The following DNAJC11 variants were observed in gnomAD, a reference collection of about 807,000 sequenced individuals.
DNAJC11 encodes the protein DnaJ heat shock protein family (Hsp40) member C11, also known as dnaJ homolog subfamily C member 11.
In DNAJC11, 15 loss-of-function variants were observed where a neutral mutation model predicts 78.6. That is an observed-to-expected ratio of 0.19 (90% CI 0.13 to 0.29). The LOEUF (loss-of-function observed/expected upper bound fraction) is 0.29. Among genes scored for constraint, DNAJC11 ranks in the 10% least tolerant of loss-of-function variants. The probability of loss-of-function intolerance (pLI) is 1.00; values close to 1 mark genes in which losing one functional copy is unlikely to be tolerated. For synonymous variants in DNAJC11, 292 were observed against 272.1 expected, an observed-to-expected ratio of 1.07 and a Z score of -0.72; for missense variants, 547 against 709.6, an observed-to-expected ratio of 0.77 and a Z score of 2.60.
Position 6,680,078 on chromosome 1 carries a change from T to A in DNAJC11, c.202+830A>T, listed in dbSNP as rs573003300. 6.6e-6 allele frequency among the ~76,000 whole-genome samples: 1 copy of A among 152,380 alleles called. No individual in the cohort carries two copies. The highest frequency in any genetic ancestry group is 1.9e-4 in the East Asian group (1 of 5,194). On this transcript the variant is annotated intron_variant, in intron 2 of 15. Transcript: ENST00000377577. The surrounding 1 kb of genome is among the most constrained non-coding windows in gnomAD (Gnocchi z 4.0). ...ATACAGTGAGATGACTTTATGATTTTATAAAGAAACATATTATCTAATTTT... is the reference window on the plus strand; with the variant it reads ...ATACAGTGAGATGACTTTATGATTTAATAAAGAAACATATTATCTAATTTT...
Position 6,637,194 on chromosome 1 carries a change from G to A in DNAJC11, c.1524+4C>T, listed in dbSNP as rs200838582. On this transcript the variant is annotated splice_donor_region_variant and intron_variant, in intron 14 of 15. Coordinates refer to ENST00000377577, the MANE Select transcript of DNAJC11 (RefSeq NM_018198.4). ...ATAGCATGTGGTGGCTGGTGCTGCT[G>A]TACCTTGGAGGCCTCCGTGAGGATG... 7 of 1,614,154 alleles carry A rather than the reference G, an allele frequency of 4.3e-6. No homozygotes were observed. Among genetic ancestry groups the A allele is most frequent in the Non-Finnish European group, 5.9e-6 (7 of 1,180,034 alleles).
chr1:6,668,480 T>A (rs984525051), intron 3 of DNAJC11, among the ~76,000 whole-genome samples: 1 of 152,148 alleles, frequency 6.6e-6, no homozygotes, highest in Non-Finnish European at 1.5e-5. Context: ...GAATCTCAGA[T>A]AACAAATGTT....
At chr1:6,700,798 A>C (rs892093830) in intron 1 of DNAJC11, among the ~76,000 whole-genome samples, 2 of 152,222 alleles carry the variant, frequency 1.3e-5, no homozygotes. Flanking sequence ...GCTAGCTTTC[A>C]TTACCACTGG....
At chr1:6,670,652 A>C (rs1390598674) in intron 3 of DNAJC11, 3 of 152,218 alleles carry the variant, frequency 2.0e-5, no homozygotes, top group Admixed American at 6.5e-5. Context: ...TTAAAATAAA[A>C]AGATTGTTAA....
At chr1:6,643,451 ATT>A (rs1255934444) in intron 10 of DNAJC11, among the ~76,000 whole-genome samples, 1 of 151,658 alleles carries the variant, frequency 6.6e-6, no homozygotes, top group East Asian at 1.9e-4. Flanking sequence ...AATTTTTTGT[ATT>A]TTTAGTAGAG....
At chr1:6,652,241 C>T (rs927853245) in intron 6 of DNAJC11, among the ~76,000 whole-genome samples, 6 of 152,136 alleles carry the variant, frequency 3.9e-5, no homozygotes, top group South Asian at 2.1e-4. Flanking sequence ...AACCATCACG[C>T]GGAAGAGAGC....
At chr1:6,651,500 A>G (rs1278625044) in intron 7 of DNAJC11, 29 bp downstream of exon 7, 5 of 1,602,136 alleles carry the variant, frequency 3.1e-6, no homozygotes, top group East Asian at 2.2e-5. Flanking sequence ...AAAGACCACC[A>G]AAGAGGAGCT....
chr1:6,682,663 G>C (rs1355866945), intron 1 of DNAJC11, among the ~76,000 whole-genome samples: 1 of 152,228 alleles, frequency 6.6e-6, no homozygotes, highest in African/African-American at 2.4e-5. Context: ...CGCAATGGTT[G>C]ACACGTGTAG....
intron 4 of DNAJC11, among the ~76,000 whole-genome samples, chr1:6,665,955 T>C (rs1420936609): frequency 1.3e-5 from 2 of 152,046 alleles, no homozygotes; most frequent in Non-Finnish European, 2.9e-5. Flanking sequence ...TGAGCACAGC[T>C]CAGGGCACCT....
chr1:6,647,394 A>G (rs1641982112), intron 7 of DNAJC11, among the ~76,000 whole-genome samples: 1 of 152,074 alleles, frequency 6.6e-6, no homozygotes, highest in African/African-American at 2.4e-5. Context: ...ACAGGTCGAT[A>G]TTTTTGATTT....
chr1:6,638,429 C>T, intron 11 of DNAJC11, 65 bp from the exon 12 acceptor site: 5 of 1,519,858 alleles, frequency 3.3e-6, no homozygotes, highest in Non-Finnish European at 4.5e-6. Flanking sequence ...CCAACACAGC[C>T]CCTCCCGTGC....
chr1:6,701,622 C>G, intron 1 of DNAJC11, 107 bp downstream of exon 1: 1 of 1,213,680 alleles, frequency 8.2e-7, no homozygotes. Context: ...GCCTCCCCGA[C>G]GGACCCGAGC....
At chr1:6,644,139 T>A (rs987794758) in intron 10 of DNAJC11, among the ~76,000 whole-genome samples, 3 of 151,974 alleles carry the variant, frequency 2.0e-5, no homozygotes, top group Admixed American at 6.6e-5. Context: ...TTTTTTTTTT[T>A]ATATTTTTTG....
chr1:6,663,272 G>A (rs1642245172), intron 4 of DNAJC11, among the ~76,000 whole-genome samples: 1 of 152,104 alleles, frequency 6.6e-6, no homozygotes, highest in Non-Finnish European at 1.5e-5. Context: ...TATGCCCGCA[G>A]AGACAGTCAA....
At chr1:6,678,369 A>ACAC in intron 3 of DNAJC11, 25 bp downstream of exon 3, 1 of 1,606,366 alleles carries the variant, frequency 6.2e-7, no homozygotes, top group Non-Finnish European at 8.5e-7. Context: ...CTTTTCTGGA[A>ACAC]CACCAGACGC....
chr1:6,695,765 G>A (rs539222770), intron 1 of DNAJC11, among the ~76,000 whole-genome samples: 5 of 150,460 alleles, frequency 3.3e-5, no homozygotes, highest in South Asian at 2.1e-4. Flanking sequence ...CTGAGATTGC[G>A]CCATTGCACT....
chr1:6,677,888 G>T (rs956613237), intron 3 of DNAJC11, among the ~76,000 whole-genome samples: 2 of 152,144 alleles, frequency 1.3e-5, no homozygotes, highest in Non-Finnish European at 2.9e-5. Flanking sequence ...AATTGAAAGG[G>T]TCATTACAGG....
intron 3 of DNAJC11, among the ~76,000 whole-genome samples, chr1:6,675,564 C>T (rs1642447617): frequency 2.0e-5 from 3 of 152,074 alleles, no homozygotes; most frequent in African/African-American, 7.2e-5. Context: ...TACAGGCACT[C>T]ACCACCATGC....
rs866464257 is a variant in DNAJC11, at chr1:6,637,309, C to G, written c.1413G>C (p.Lys471Asn). Residue 471 changes from lysine (K) to asparagine (N), a missense_variant, in exon 14 of 16, where the codon AAG becomes AAC. By Grantham distance (94) the Lys-to-Asn change is moderately conservative. Transcript: ENST00000377577. ...TCTTCCTGCTCTTGTCATTGACAAA[C>G]TTCCCGTACCAGGCATTGACGATGA... The part of the protein sequence containing the change: ...GLIIVNAWYG[K>N]FVNDKSRKSE... 19 of 1,614,210 alleles carry G rather than the reference C, an allele frequency of 1.2e-5. No individual in the cohort carries two copies. In the Middle Eastern group the frequency reaches 3.0e-3, roughly 252 times the overall value.
Sources: allele counts gnomAD v4.1 joint callset (sites outside exome capture counted in the v4.1 genomes callset), GRCh38; gene constraint gnomAD v4.1.1; non-coding constraint Gnocchi (gnomAD v3.1); transcripts MANE v1.5; gene names NCBI Gene and HGNC (gene_info 2026-07-23, HGNC 2026-07-21).